Variants in PKNOX2 observed in about 807,000 individuals in gnomAD.
PKNOX2 encodes PBX/knotted 1 homeobox 2.
PKNOX2 carries 14 observed loss-of-function variants against 53.1 expected under a neutral mutation model. That is an observed-to-expected ratio of 0.26 (90% CI 0.17 to 0.41). The LOEUF (loss-of-function observed/expected upper bound fraction) is 0.41, where lower values mean the gene tolerates loss of function less well. PKNOX2 is among the 10% of genes least tolerant of loss of function. The pLI, the probability that PKNOX2 is intolerant of heterozygous loss-of-function variation, is 1.00. For synonymous variants in PKNOX2, 257 were observed against 242.8 expected (o/e 1.06, Z -0.54); for missense variants, 496 against 602.8 (o/e 0.82, Z 1.85).
At chr11:125,252,803 G>T (rs1944107464) in intron 2 of PKNOX2, among the ~76,000 whole-genome samples, 1 of 152,196 alleles carries the variant, frequency 6.6e-6, no homozygotes, top group Non-Finnish European at 1.5e-5. Context: ...CCTTTGGGTT[G>T]GAGGTGGCAT....
intron 2 of PKNOX2, among the ~76,000 whole-genome samples, chr11:125,278,149 G>A (rs994167139): frequency 3.3e-5 from 5 of 151,832 alleles, no homozygotes; most frequent in African/African-American, 1.2e-4. Context: ...AGTCTAGGAG[G>A]TGGAGGCTGC....
chr11:125,195,922 C>CACAA (rs1555113499), intron 1 of PKNOX2, among the ~76,000 whole-genome samples: 1 of 141,190 alleles, frequency 7.1e-6, no homozygotes, highest in African/African-American at 2.7e-5. Context: ...CACACACACA[C>CACAA]AATTCATTGA....
chr11:125,261,692 T>A (rs1397344439), intron 2 of PKNOX2, among the ~76,000 whole-genome samples: 1 of 152,212 alleles, frequency 6.6e-6, no homozygotes, highest in African/African-American at 2.4e-5. Context: ...CAAGGCTAAG[T>A]GTCTGCAACT....
At chr11:125,341,021 G>C (rs560026877) in intron 3 of PKNOX2, among the ~76,000 whole-genome samples, 1 of 132,878 alleles carries the variant, frequency 7.5e-6, no homozygotes, top group Admixed American at 8.0e-5. Flanking sequence ...CTGCACTCCA[G>C]CCTGGGTGAC....
chr11:125,255,547 G>A (rs1944345717), intron 2 of PKNOX2, among the ~76,000 whole-genome samples: 1 of 152,200 alleles, frequency 6.6e-6, no homozygotes, highest in African/African-American at 2.4e-5. Flanking sequence ...ATTGCTGAAT[G>A]GCACCAACAA....
chr11:125,375,700 G>A (rs1330068381), intron 5 of PKNOX2, among the ~76,000 whole-genome samples: 2 of 152,124 alleles, frequency 1.3e-5, no homozygotes, highest in Non-Finnish European at 2.9e-5. Context: ...AGACAACGTG[G>A]TTAGGGCTCA....
At position 125,429,001 on chromosome 11, in the gene PKNOX2, T is replaced by C. The variant is rs757412833; in HGVS notation, c.937-11T>C. The C allele has an allele frequency of 6.2e-7, 1 of 1,610,578 alleles. No homozygotes were observed. Among genetic ancestry groups the C allele is most frequent in the East Asian group, 2.2e-5 (1 of 44,850 alleles). ...TGCCCAGCCCTCACTAGTCTCCACC[T>C]CTCGTTTCAGCACCCCTACCCCACG... On this transcript the variant is annotated splice_polypyrimidine_tract_variant and intron_variant, in intron 10 of 12. Transcript: ENST00000298282.
At chr11:125,340,276 C>T (rs1342608336) in intron 3 of PKNOX2, among the ~76,000 whole-genome samples, 1 of 152,152 alleles carries the variant, frequency 6.6e-6, no homozygotes, top group Non-Finnish European at 1.5e-5. Flanking sequence ...AAAATCAGGG[C>T]ATAGGAAAGT....
In PKNOX2 at chr11:125,410,158, AG is replaced by A. The variant is rs760904207; in HGVS notation, c.589-37del. The A allele has an allele frequency of 3.3e-5, 53 of 1,610,746 alleles. No homozygotes were observed. In the Middle Eastern group the frequency reaches 4.9e-4, roughly 15 times the overall value. ...CTGGGGCTGTAGGGTCTAAGCTCTC[AG>A]TGTCATTGTCACAAACCACGCCTCC... On this transcript the variant is annotated intron_variant, in intron 7 of 12. Coordinates refer to ENST00000298282, the MANE Select transcript of PKNOX2 (RefSeq NM_001382323.2).
intron 2 of PKNOX2, among the ~76,000 whole-genome samples, chr11:125,278,353 A>G (rs543529892): frequency 6.6e-5 from 10 of 152,324 alleles, no homozygotes; most frequent in Non-Finnish European, 1.5e-4. Context: ...CCTCGTAGGG[A>G]AGTCTGGGTT....
intron 3 of PKNOX2, among the ~76,000 whole-genome samples, chr11:125,338,662 C>A (rs943509560): frequency 3.3e-5 from 5 of 152,198 alleles, no homozygotes; most frequent in Non-Finnish European, 1.5e-5. Context: ...AAGACCCAGA[C>A]TAACAAATGC....
At chr11:125,202,044 A>G (rs1003267031) in intron 1 of PKNOX2, among the ~76,000 whole-genome samples, 5 of 152,240 alleles carry the variant, frequency 3.3e-5, no homozygotes, top group Non-Finnish European at 7.3e-5. Context: ...GGCTTAAAGA[A>G]AACACAGAGG....
chr11:125,359,080 C>CAAAGGCAGGAAGGTAGACACCATCGG (rs1252563106), intron 4 of PKNOX2, among the ~76,000 whole-genome samples: 4 of 135,798 alleles, frequency 2.9e-5, no homozygotes, highest in East Asian at 2.3e-4. Context: ...GCTGTGGGAG[C>CAAAGGCAGGAAGGTAGACACCATCGG]AAAGGCAGGA....
chr11:125,316,167 C>T (rs1949175870), intron 2 of PKNOX2, among the ~76,000 whole-genome samples: 1 of 152,186 alleles, frequency 6.6e-6, no homozygotes, highest in Admixed American at 6.5e-5. Context: ...GTGAACCCCT[C>T]ATTCCCAGCC....
chr11:125,411,042 G>A, intron 9 of PKNOX2, 166 bp downstream of exon 9: 3 of 618,962 alleles, frequency 4.8e-6, no homozygotes, highest in Non-Finnish European at 8.4e-6. Flanking sequence ...TCTTGGAAAG[G>A]TTTTATCAAC....
At chr11:125,276,409 G>A (rs1294195674) in intron 2 of PKNOX2, among the ~76,000 whole-genome samples, 1 of 152,184 alleles carries the variant, frequency 6.6e-6, no homozygotes, top group Non-Finnish European at 1.5e-5. Flanking sequence ...TATATGCCAG[G>A]GGAAGTGATC....
At chr11:125,281,184 G>A (rs1565487008) in intron 2 of PKNOX2, among the ~76,000 whole-genome samples, 2 of 152,348 alleles carry the variant, frequency 1.3e-5, no homozygotes, top group South Asian at 2.1e-4. Context: ...GCAAGAGCTC[G>A]TGGCCAGCAC....
intron 2 of PKNOX2, among the ~76,000 whole-genome samples, chr11:125,294,132 T>C (rs1947498263): frequency 6.6e-6 from 1 of 152,258 alleles, no homozygotes; most frequent in African/African-American, 2.4e-5. Context: ...CATTTCAGAC[T>C]ATTATTTCCA....
intron 1 of PKNOX2, among the ~76,000 whole-genome samples, chr11:125,228,203 C>T (rs1941882103): frequency 6.6e-6 from 1 of 152,248 alleles, no homozygotes; most frequent in African/African-American, 2.4e-5. Flanking sequence ...TCCAGTATGA[C>T]AGCCACTAGC....
Sources: allele counts gnomAD v4.1 joint callset (sites outside exome capture counted in the v4.1 genomes callset), GRCh38; gene constraint gnomAD v4.1.1; transcripts MANE v1.5; gene names NCBI Gene and HGNC (gene_info 2026-07-23, HGNC 2026-07-21).